INTS6L: variants seen among roughly 807,000 people sequenced by gnomAD.
INTS6L encodes the protein integrator complex subunit 6-like.
INTS6L carries 18 observed loss-of-function variants against 64.7 expected under a neutral mutation model. The observed-to-expected ratio is 0.28, with a 90% CI of 0.19 to 0.41. The LOEUF (loss-of-function observed/expected upper bound fraction) is 0.41, where lower values mean the gene tolerates loss of function less well. Ranked by LOEUF, INTS6L falls within the 10% of genes least tolerant of loss-of-function variation. The pLI, the probability that INTS6L is intolerant of heterozygous loss-of-function variation, is 1.00. For synonymous variants in INTS6L, 227 were observed against 235.9 expected, an observed-to-expected ratio of 0.96 and a Z score of 0.34; for missense variants, 533 against 661.0, an observed-to-expected ratio of 0.81 and a Z score of 2.12.
chrX:135,554,208 G>A (rs2086581688), intron 8 of INTS6L, among the ~76,000 whole-genome samples: 1 of 111,511 alleles, frequency 9.0e-6, no homozygotes, highest in African/African-American at 3.3e-5. Context: ...AAACTCAAGG[G>A]GCCAAGGAAG....
intron 2 of INTS6L, among the ~76,000 whole-genome samples, chrX:135,534,108 G>A (rs1300666396): frequency 9.0e-6 from 1 of 110,682 alleles, no homozygotes; most frequent in Non-Finnish European, 1.9e-5. Flanking sequence ...ACTTTGAGAA[G>A]TGTGCTGCTT....
chrX:135,572,708 A>G (rs2087122250), intron 11 of INTS6L, 107 bp from the exon 12 acceptor site: 1 of 659,093 alleles, frequency 1.5e-6, no homozygotes, highest in African/African-American at 2.2e-5. Flanking sequence ...GTGATTTGTA[A>G]TTGAAAATTG....
At chrX:135,558,555 T>C (rs1193082440) in intron 9 of INTS6L, among the ~76,000 whole-genome samples, 1 of 111,544 alleles carries the variant, frequency 9.0e-6, no homozygotes, top group Non-Finnish European at 1.9e-5. Flanking sequence ...TGATTCCACT[T>C]ACATGAGGTA....
At chrX:135,540,580 C>T (rs1556512063) in intron 2 of INTS6L, among the ~76,000 whole-genome samples, 1 of 111,120 alleles carries the variant, frequency 9.0e-6, no homozygotes, top group African/African-American at 3.3e-5. Context: ...TACTGTCTAT[C>T]CTTTGGCCTC....
chrX:135,547,360 T>C, intron 6 of INTS6L, 95 bp downstream of exon 6: 7 of 957,490 alleles, frequency 7.3e-6, no homozygotes, highest in Non-Finnish European at 9.9e-6. Context: ...ACTATCCACG[T>C]GCATTTGAGT....
chrX:135,565,271 C>T (rs1175398901), intron 9 of INTS6L, among the ~76,000 whole-genome samples: 4 of 112,075 alleles, frequency 3.6e-5, no homozygotes, highest in African/African-American at 1.3e-4. Context: ...TTTACAATAG[C>T]AAGACTCATC....
intron 2 of INTS6L, among the ~76,000 whole-genome samples, chrX:135,531,152 A>T (rs782333415): frequency 6.5e-4 from 73 of 112,705 alleles, no homozygotes; most frequent in African/African-American, 2.3e-3. Flanking sequence ...CTACTTGGGC[A>T]AAGTTACTAA....
At chrX:135,560,030 C>G (rs2086740356) in intron 9 of INTS6L, among the ~76,000 whole-genome samples, 1 of 112,077 alleles carries the variant, frequency 8.9e-6, no homozygotes, top group African/African-American at 3.2e-5. Context: ...CTTTATATAT[C>G]ATAGATACTA....
intron 2 of INTS6L, among the ~76,000 whole-genome samples, chrX:135,534,339 C>T (rs1359875449): frequency 3.6e-5 from 4 of 110,571 alleles, no homozygotes; most frequent in Non-Finnish European, 7.5e-5. Context: ...TCATGTGAGT[C>T]TTTAACTGTC....
Position 135,546,818 on chromosome X carries a change from A to G in INTS6L, c.546A>G (p.Glu182=). The G allele has an allele frequency of 3.3e-6, 4 of 1,211,529 alleles. No homozygotes were observed. Among genetic ancestry groups the G allele is most frequent in the Non-Finnish European group, 4.5e-6 (4 of 895,367 alleles). ...GTTTGCCTGGAGTGGCTTCTACCGA[A>G]CCAGAGCAACTAGGGAGCGTACCAA... ...VLRLPGVAST[E]PEQLGSVPTD... Residue 182 remains glutamate, a synonymous_variant, in exon 5 of 18, where the codon GAA becomes GAG. Coordinates refer to ENST00000639893, the MANE Select transcript of INTS6L (RefSeq NM_001351601.3).
Position 135,546,480 on chromosome X carries a change from AT to A in INTS6L, c.429+21del, listed in dbSNP as rs782192298. The A allele has an allele frequency of 0.012, 12,407 of 1,071,802 alleles. 40 individuals carry two copies. Among genetic ancestry groups the A allele is most frequent in the Non-Finnish European group, 0.014 (11,029 of 806,425 alleles). 88.3% of individuals were successfully genotyped at this position (1,071,802 alleles called of 1,213,427 possible). The stretch of plus-strand genomic sequence containing the variant: ...GGTGTTCAAGAAGAGGTGAGATTTT[AT>A]TTTTTTTTTAATTTTGTTTAAATGG... On this transcript the variant is annotated intron_variant, in intron 4 of 17. Transcript: ENST00000639893.
chrX:135,581,539 G>T lies in INTS6L; in HGVS notation c.2600G>T (p.Arg867Leu). ...TIKEAARFKR[R>L]VLIQYLEKVL... ...CTCTTTATTTTCAGGTTTAAAAGACGAGTCCTAATTCAGTACCTTGAGAAG... is the reference window on the plus strand; with the variant it reads ...CTCTTTATTTTCAGGTTTAAAAGACTAGTCCTAATTCAGTACCTTGAGAAG... The change falls in exon 18 of 18, where the codon CGA becomes CTA. Residue 867 changes from arginine (R) to leucine (L), a missense_variant. Arg to Leu is a moderately radical substitution (Grantham distance 102). Transcript: ENST00000639893. The T allele has an allele frequency of 8.3e-7, 1 of 1,198,569 alleles. No individual in the cohort carries two copies. Among genetic ancestry groups the T allele is most frequent in the Non-Finnish European group, 1.1e-6 (1 of 888,750 alleles).
chrX:135,566,116 G>A (rs782547772), intron 9 of INTS6L, among the ~76,000 whole-genome samples: 1 of 111,892 alleles, frequency 8.9e-6, no homozygotes, highest in Non-Finnish European at 1.9e-5. Flanking sequence ...AGCTGCCCAG[G>A]TATGAATCTG....
Position 135,556,254 on chromosome X carries a change from C to A in INTS6L, c.1146C>A (p.Asn382Lys). 2 of 1,198,911 alleles carry A rather than the reference C, an allele frequency of 1.7e-6. No individual in the cohort carries two copies. Among genetic ancestry groups the A allele is most frequent in the Non-Finnish European group, 2.2e-6 (2 of 890,043 alleles). ...LKASTTLTCV[N>K]LFVMPYNYPV... ...CCAGTACAACTTTAACTTGTGTAAA[C>A]CTCTTTGTGATGCCTTACAACTACC... Residue 382 changes from asparagine (N) to lysine (K), a missense_variant, in exon 9 of 18, where the codon AAC becomes AAA. Coordinates refer to ENST00000639893, the MANE Select transcript of INTS6L (RefSeq NM_001351601.3).
intron 2 of INTS6L, among the ~76,000 whole-genome samples, chrX:135,539,963 T>C (rs1242700102): frequency 8.9e-6 from 1 of 111,790 alleles, no homozygotes; most frequent in African/African-American, 3.3e-5. Flanking sequence ...CCATAAAAGA[T>C]ATAATAATAA....
chrX:135,565,454 G>A (rs980147343), intron 9 of INTS6L, among the ~76,000 whole-genome samples: 4 of 111,623 alleles, frequency 3.6e-5, no homozygotes, highest in Non-Finnish European at 7.5e-5. Flanking sequence ...TCAGCACTAT[G>A]CCAAGTCAAA....
chrX:135,558,812 G>A (rs1466972242), intron 9 of INTS6L, among the ~76,000 whole-genome samples: 7 of 99,470 alleles, frequency 7.0e-5, no homozygotes, highest in Non-Finnish European at 1.2e-4. Context: ...TTGAGACAGA[G>A]TGTCTCTCTG....
At chrX:135,556,914 G>A (rs1347979804) in intron 9 of INTS6L, among the ~76,000 whole-genome samples, 4 of 111,839 alleles carry the variant, frequency 3.6e-5, no homozygotes, top group Non-Finnish European at 7.5e-5. Flanking sequence ...TTGTAAAGTT[G>A]TAAATGTTTT....
chrX:135,571,594 G>T (rs1556527514), intron 11 of INTS6L: 1 of 112,043 alleles, frequency 8.9e-6, no homozygotes, highest in East Asian at 2.8e-4. Flanking sequence ...GAAAGTAAAG[G>T]CAACCCCAGA....
Sources: allele counts gnomAD v4.1 joint callset (sites outside exome capture counted in the v4.1 genomes callset), GRCh38; gene constraint gnomAD v4.1.1; transcripts MANE v1.5; gene names NCBI Gene and HGNC (gene_info 2026-07-23, HGNC 2026-07-21).